The following SLC26A2 variants were observed in gnomAD, a reference collection of about 807,000 sequenced individuals.
SLC26A2 encodes the protein solute carrier family 26 member 2.
A neutral mutation model predicts 41.1 loss-of-function variants in SLC26A2; 36 were observed. The ratio of observed to expected loss-of-function variants is 0.88; its 90% CI spans 0.67 to 1.16. The LOEUF (loss-of-function observed/expected upper bound fraction) is 1.16, where lower values mean the gene tolerates loss of function less well. Ranked by LOEUF, SLC26A2 falls within the 50% of genes most tolerant of loss-of-function variation. The pLI is 0.00. For missense variants in SLC26A2, 796 were observed against 869.6 expected, an observed-to-expected ratio of 0.92 and a Z score of 1.07; for synonymous variants, 291 against 311.6, an observed-to-expected ratio of 0.93 and a Z score of 0.70.
chr5:149,977,843 C>G lies in SLC26A2; in HGVS notation c.191C>G (p.Thr64Arg), dbSNP rs1755019762. The G allele has an allele frequency of 5.0e-6, 8 of 1,614,026 alleles. No homozygotes were observed. The highest frequency in any genetic ancestry group is 6.8e-6 in the Non-Finnish European group (8 of 1,179,972). ...ATTGAGCGTCAAGAGAAATCAGATA[C>G]AAACTTCAAGGAGTTTGTTATTAAA... ...ILIERQEKSD[T>R]NFKEFVIKKL... Residue 64 changes from threonine to arginine, a missense_variant, in exon 2 of 3, where the codon ACA becomes AGA. Coordinates refer to ENST00000286298, the MANE Select transcript of SLC26A2 (RefSeq NM_000112.4).
At chr5:149,977,296 A>G (rs1755008623) in intron 1 of SLC26A2, among the ~76,000 whole-genome samples, 1 of 152,196 alleles carries the variant, frequency 6.6e-6, no homozygotes, top group African/African-American at 2.4e-5. Flanking sequence ...ATGTATGGAA[A>G]GGAGACAGGC....
chr5:149,970,247 C>G (rs1247149851), intron 1 of SLC26A2, among the ~76,000 whole-genome samples: 1 of 152,120 alleles, frequency 6.6e-6, no homozygotes, highest in African/African-American at 2.4e-5. Context: ...GTGGCTCACA[C>G]CTGTAATCCC....
At chr5:149,962,502 CTAGTTTTTG>C (rs938543397) in intron 1 of SLC26A2, among the ~76,000 whole-genome samples, 1 of 152,018 alleles carries the variant, frequency 6.6e-6, no homozygotes, top group Non-Finnish European at 1.5e-5. Context: ...CCATACCTGG[CTAGTTTTTG>C]TAGTTTTTGT....
rs904745032 is a variant in SLC26A2 at position 149,960,810 on chromosome 5, C to T, written c.-195C>T. On this transcript the variant is annotated 5_prime_UTR_variant, in exon 1 of 3. Coordinates refer to ENST00000286298, the MANE Select transcript of SLC26A2 (RefSeq NM_000112.4). ...TCTTCGCCGGTGCGTCCTCGCCGCG[C>T]CCGTAGGTCCCGGCAGCCGGGCCCC... is the stretch of plus-strand genomic sequence containing the variant. 1 of 152,354 alleles carries T rather than the reference C, an allele frequency of 6.6e-6. No individual in the cohort carries two copies. 9.4% of individuals were successfully genotyped at this position (152,354 alleles called of 1,614,324 possible).
At chr5:149,975,280 C>G (rs934640436) in intron 1 of SLC26A2, among the ~76,000 whole-genome samples, 2 of 152,184 alleles carry the variant, frequency 1.3e-5, no homozygotes, top group Non-Finnish European at 2.9e-5. Context: ...TTCATCATCT[C>G]TGTTACTGTG....
At chr5:149,964,645 C>T (rs573611031) in intron 1 of SLC26A2, among the ~76,000 whole-genome samples, 3 of 151,782 alleles carry the variant, frequency 2.0e-5, no homozygotes, top group East Asian at 2.0e-4. Context: ...GGTGTGGTGG[C>T]GGGCACCTGT....
intron 1 of SLC26A2, among the ~76,000 whole-genome samples, chr5:149,963,929 G>A (rs1754759368): frequency 6.6e-6 from 1 of 151,880 alleles, no homozygotes; most frequent in South Asian, 2.1e-4. Flanking sequence ...TATATAAGGT[G>A]TCATTTGAGG....
At chr5:149,976,258 G>A (rs1357014368) in intron 1 of SLC26A2, among the ~76,000 whole-genome samples, 2 of 151,974 alleles carry the variant, frequency 1.3e-5, no homozygotes, top group Non-Finnish European at 2.9e-5. Context: ...CTATCTCAGC[G>A]TTACTACATT....
chr5:149,980,754 A>G lies in SLC26A2; in HGVS notation c.1161A>G (p.Ile387Met), dbSNP rs1479599084. The G allele has an allele frequency of 2.5e-6, 4 of 1,613,892 alleles. No homozygotes were observed. In the East Asian group the frequency reaches 8.9e-5, roughly 36 times the overall value. The part of the protein sequence containing the change: ...NLIPSVAVDA[I>M]AISIIGFAIT... ...TTCCTAGTGTGGCTGTAGATGCAAT[A>G]GCTATTTCCATCATTGGTTTTGCTA... is the stretch of plus-strand genomic sequence containing the variant. Residue 387 changes from isoleucine (I) to methionine (M), a missense_variant, in exon 3 of 3, where the codon ATA (isoleucine) becomes ATG (methionine). Transcript: ENST00000286298.
intron 1 of SLC26A2, among the ~76,000 whole-genome samples, chr5:149,970,735 G>A (rs1481409776): frequency 1.3e-5 from 2 of 152,140 alleles, no homozygotes; most frequent in Non-Finnish European, 2.9e-5. Flanking sequence ...AGGTGAGAGA[G>A]GATGGTAGGA....
rs2113699208 is a variant in SLC26A2, at chr5:149,981,360, C to T, written c.1767C>T (p.Tyr589=). The T allele has an allele frequency of 6.2e-7, 1 of 1,614,072 alleles. No individual in the cohort carries two copies. The highest frequency in any genetic ancestry group is 8.5e-7 in the Non-Finnish European group (1 of 1,179,992). The change falls in exon 3 of 3, where the codon TAC becomes TAT. Residue 589 remains tyrosine (Y), a synonymous_variant. Coordinates refer to ENST00000286298, the MANE Select transcript of SLC26A2 (RefSeq NM_000112.4). ...TCCGCTTTGTAGCCCCTCTCTACTA[C>T]ATAAACAAAGAATGCTTTAAATCTG... ...KIFRFVAPLY[Y]INKECFKSAL... is the part of the protein sequence containing the mutation.
At chr5:149,964,262 C>G (rs1444928871) in intron 1 of SLC26A2, among the ~76,000 whole-genome samples, 1 of 152,138 alleles carries the variant, frequency 6.6e-6, no homozygotes, top group Non-Finnish European at 1.5e-5. Context: ...GAGGCCGTGG[C>G]AGGCAGATCA....
At chr5:149,979,940 T>C (rs1325094950) in intron 2 of SLC26A2, among the ~76,000 whole-genome samples, 1 of 152,182 alleles carries the variant, frequency 6.6e-6, no homozygotes, top group Non-Finnish European at 1.5e-5. Flanking sequence ...TTGTGGATCC[T>C]TGAGAATGTT....
intron 2 of SLC26A2, among the ~76,000 whole-genome samples, chr5:149,979,359 T>C (rs1019261967): frequency 6.6e-6 from 1 of 152,044 alleles, no homozygotes; most frequent in Non-Finnish European, 1.5e-5. Context: ...GTGAAGATGG[T>C]GTGAAGATGA....
At chr5:149,971,567 CT>C (rs1407776778) in intron 1 of SLC26A2, among the ~76,000 whole-genome samples, 1 of 151,862 alleles carries the variant, frequency 6.6e-6, no homozygotes. Flanking sequence ...GCCTGGCTGA[CT>C]TTTCTATTTT....
intron 1 of SLC26A2, among the ~76,000 whole-genome samples, chr5:149,974,512 T>C (rs1238952621): frequency 6.6e-6 from 1 of 151,764 alleles, no homozygotes; most frequent in Non-Finnish European, 1.5e-5. Flanking sequence ...AGCCTCCGCC[T>C]CCCAGGTTCA....
intron 1 of SLC26A2, among the ~76,000 whole-genome samples, chr5:149,975,357 A>G (rs906002092): frequency 3.3e-5 from 5 of 152,138 alleles, no homozygotes; most frequent in South Asian, 2.1e-4. Flanking sequence ...TTTACTTTCT[A>G]TGTGAATTTT....
At position 149,983,460 on chromosome 5, in the gene SLC26A2, C is replaced by T. The variant is rs1160122366; in HGVS notation, c.*1647C>T. 1 of 152,108 alleles carries T rather than the reference C, an allele frequency of 6.6e-6. No homozygotes were observed. Among genetic ancestry groups the T allele is most frequent in the Non-Finnish European group, 1.5e-5 (1 of 68,034 alleles). The allele number at this position is 152,108 out of a possible 1,614,324, so 9.4% of individuals were successfully genotyped here. A position where few individuals can be genotyped will look rare whatever the true frequency, so the allele number is the denominator to read the frequency against. On this transcript the variant is annotated 3_prime_UTR_variant, in exon 3 of 3. Transcript: ENST00000286298. ...TTTGACATCCTTTTAGAACTTGGGT[C>T]TGGAATTCCAGAAATGTTAATTGCT...
chr5:149,981,234 G>A lies in SLC26A2; in HGVS notation c.1641G>A (p.Gln547=), dbSNP rs1259224255. The A allele has an allele frequency of 4.3e-6, 7 of 1,614,152 alleles. No individual in the cohort carries two copies. The highest frequency in any genetic ancestry group is 5.9e-6 in the Non-Finnish European group (7 of 1,180,000). The change falls in exon 3 of 3, where the codon CAG becomes CAA. Residue 547 remains glutamine (Q), a synonymous_variant. Coordinates refer to ENST00000286298, the MANE Select transcript of SLC26A2 (RefSeq NM_000112.4). ...FSIFCVILRT[Q]KPKSSLLGLV... is the part of the protein sequence containing the mutation. The stretch of plus-strand genomic sequence containing the variant: ...TATTTTGTGTCATCCTCCGCACTCA[G>A]AAGCCAAAGAGTTCACTGCTTGGCT...
Sources: gnomAD v4.1 joint callset for allele counts (sites outside exome capture counted in the v4.1 genomes callset) on GRCh38, gnomAD v4.1.1 for gene constraint, MANE v1.5 for transcripts, NCBI Gene and HGNC (gene_info 2026-07-23, HGNC 2026-07-21) for gene names.